The following GLYATL2 variants were observed in gnomAD, a reference collection of about 807,000 sequenced individuals.
GLYATL2 encodes the protein glycine-N-acyltransferase like 2.
A neutral mutation model predicts 21.4 loss-of-function variants in GLYATL2; 25 were observed. The observed-to-expected ratio is 1.17, with a 90% CI of 0.85 to 1.63. The LOEUF is 1.63. Among genes scored for constraint, GLYATL2 ranks in the 40% most tolerant of loss-of-function variants. The pLI, the probability that GLYATL2 is intolerant of heterozygous loss-of-function variation, is 0.00. For synonymous variants in GLYATL2, 114 were observed against 118.2 expected, an observed-to-expected ratio of 0.96 and a Z score of 0.23; for missense variants, 361 against 343.3, an observed-to-expected ratio of 1.05 and a Z score of -0.41.
intron 1 of GLYATL2, among the ~76,000 whole-genome samples, chr11:58,877,662 T>A (rs1450893165): frequency 3.3e-5 from 5 of 152,220 alleles, no homozygotes; most frequent in African/African-American, 1.2e-4. Context: ...TCTATTAAGA[T>A]GAGAAGCAAT....
intron 1 of GLYATL2, among the ~76,000 whole-genome samples, chr11:58,878,796 G>A (rs1271525966): frequency 2.0e-5 from 3 of 152,202 alleles, no homozygotes; most frequent in Non-Finnish European, 4.4e-5. Context: ...TTAGGCCTGT[G>A]AGGCAGTGAA....
chr11:58,890,496 A>G (rs1854522790), intron 1 of GLYATL2, among the ~76,000 whole-genome samples: 1 of 152,176 alleles, frequency 6.6e-6, no homozygotes, highest in Non-Finnish European at 1.5e-5. Flanking sequence ...GCAGCAATAG[A>G]AAAGAATAAA....
intron 1 of GLYATL2, among the ~76,000 whole-genome samples, chr11:58,882,640 T>G (rs1854361248): frequency 6.6e-6 from 1 of 152,178 alleles, no homozygotes; most frequent in Non-Finnish European, 1.5e-5. Flanking sequence ...GGGGTTTTAG[T>G]CATGAAGTCC....
intron 1 of GLYATL2, among the ~76,000 whole-genome samples, chr11:58,901,130 C>T (rs1161768260): frequency 6.6e-6 from 1 of 152,170 alleles, no homozygotes; most frequent in Non-Finnish European, 1.5e-5. Flanking sequence ...GATCCTTTTC[C>T]CACAAGATGC....
intron 1 of GLYATL2, among the ~76,000 whole-genome samples, chr11:58,870,047 G>T (rs766747299): frequency 6.6e-6 from 1 of 152,132 alleles, no homozygotes; most frequent in Non-Finnish European, 1.5e-5. Flanking sequence ...GGTCAAGGCT[G>T]CAGTGAGTTA....
At chr11:58,853,781 T>C (rs1853781777) in intron 1 of GLYATL2, among the ~76,000 whole-genome samples, 1 of 152,218 alleles carries the variant, frequency 6.6e-6, no homozygotes, top group South Asian at 2.1e-4. Flanking sequence ...TAGAGCTAAT[T>C]AATATATGCA....
chr11:58,838,469 A>G (rs1420737762), intron 2 of GLYATL2, 101 bp from the exon 3 acceptor site: 8 of 724,634 alleles, frequency 1.1e-5, no homozygotes, highest in Non-Finnish European at 1.8e-5. Context: ...TAAGGACAAG[A>G]AGTATAGGAG....
chr11:58,905,714 ACCGGG>A, upstream of GLYATL2: 1 of 169,482 alleles, frequency 5.9e-6, no homozygotes, highest in Non-Finnish European at 1.2e-5. Context: ...GATCGCTGGG[ACCGGG>A]ATGGGTCATC....
At chr11:58,882,801 G>C (rs1169731712) in intron 1 of GLYATL2, among the ~76,000 whole-genome samples, 1 of 152,172 alleles carries the variant, frequency 6.6e-6, no homozygotes, top group East Asian at 1.9e-4. Context: ...TCTACATATG[G>C]CTAGCCAGTT....
chr11:58,854,555 T>C (rs1169402985), intron 1 of GLYATL2, among the ~76,000 whole-genome samples: 1 of 152,262 alleles, frequency 6.6e-6, no homozygotes, highest in Non-Finnish European at 1.5e-5. Flanking sequence ...GTGCAAGGTC[T>C]TATTTTAGTG....
At chr11:58,895,493 C>G (rs1194831209) in intron 1 of GLYATL2, among the ~76,000 whole-genome samples, 1 of 152,138 alleles carries the variant, frequency 6.6e-6, no homozygotes, top group Non-Finnish European at 1.5e-5. Flanking sequence ...AGGTAAGTTT[C>G]CTTCTCATTC....
At chr11:58,849,686 A>G (rs142062543), upstream of GLYATL2, among the ~76,000 whole-genome samples, 240 of 152,336 alleles carry the variant, frequency 1.6e-3, 3 homozygotes, top group East Asian at 0.041. Flanking sequence ...TAACACAAGA[A>G]CAGAAAACCA....
upstream of GLYATL2, among the ~76,000 whole-genome samples, chr11:58,846,755 T>C (rs888339738): frequency 6.6e-6 from 1 of 152,096 alleles, no homozygotes; most frequent in African/African-American, 2.4e-5. Context: ...TGAAAGGCAG[T>C]GTAAACCATA....
intron 1 of GLYATL2, among the ~76,000 whole-genome samples, chr11:58,840,020 C>T (rs1169500834): frequency 1.3e-5 from 2 of 151,976 alleles, no homozygotes; most frequent in Non-Finnish European, 2.9e-5. Flanking sequence ...CTGGAGAGCC[C>T]ACCACCCCCA....
At chr11:58,873,798 C>T (rs1854171484) in intron 1 of GLYATL2, among the ~76,000 whole-genome samples, 1 of 152,172 alleles carries the variant, frequency 6.6e-6, no homozygotes, top group Non-Finnish European at 1.5e-5. Flanking sequence ...ATGCTGGCCT[C>T]ATAAAATGAG....
chr11:58,875,167 T>G (rs1267566351), intron 1 of GLYATL2, among the ~76,000 whole-genome samples: 3 of 152,220 alleles, frequency 2.0e-5, no homozygotes, highest in African/African-American at 7.2e-5. Flanking sequence ...TCCCTTTATT[T>G]TGGGCCTATG....
At chr11:58,861,687 T>C (rs138701984) in intron 1 of GLYATL2, among the ~76,000 whole-genome samples, 134 of 152,144 alleles carry the variant, frequency 8.8e-4, no homozygotes, top group African/African-American at 3.1e-3. Context: ...TCAATGTAAA[T>C]GTTTTGAAGC....
intron 1 of GLYATL2, among the ~76,000 whole-genome samples, chr11:58,896,107 G>A (rs757745689): frequency 5.3e-5 from 8 of 152,002 alleles, no homozygotes; most frequent in East Asian, 3.9e-4. Context: ...CACCCTCCGC[G>A]GCCTCCGAAA....
chr11:58,884,286 CA>C (rs1432404843), intron 1 of GLYATL2, among the ~76,000 whole-genome samples: 1 of 152,170 alleles, frequency 6.6e-6, no homozygotes, highest in Non-Finnish European at 1.5e-5. Context: ...TCCCTGTTTG[CA>C]GATGATATGA....
Sources: allele counts gnomAD v4.1 joint callset (sites outside exome capture counted in the v4.1 genomes callset), GRCh38; gene constraint gnomAD v4.1.1; transcripts MANE v1.5; gene names NCBI Gene and HGNC (gene_info 2026-07-23, HGNC 2026-07-21).